The following B3GAT2 variants were observed in gnomAD, a reference collection of about 807,000 sequenced individuals.
The protein encoded by B3GAT2 is beta-1,3-glucuronyltransferase 2, also known as galactosylgalactosylxylosylprotein 3-beta-glucuronosyltransferase 2.
In B3GAT2, 26 loss-of-function variants were observed where a neutral mutation model predicts 27.8. The ratio of observed to expected loss-of-function variants is 0.93; its 90% confidence interval spans 0.68 to 1.30. The LOEUF (loss-of-function observed/expected upper bound fraction) is 1.30, where lower values mean the gene tolerates loss of function less well. Ranked by LOEUF, B3GAT2 falls within the 50% of genes most tolerant of loss-of-function variation. B3GAT2 has a pLI of 0.00. For missense variants in B3GAT2, 458 were observed against 459.0 expected (o/e 1.00, Z 0.02); for synonymous variants, 218 against 195.1 (o/e 1.12, Z -0.98).
chr6:70,894,324 A>G (rs745357802), intron 1 of B3GAT2, 52 bp from the exon 2 acceptor site: 1 of 1,517,884 alleles, frequency 6.6e-7, no homozygotes, highest in Admixed American at 2.0e-5. Flanking sequence ...AAAAAGAGGG[A>G]GGAAATGAAT....
chr6:70,927,161 G>A (rs1487294823), intron 1 of B3GAT2, among the ~76,000 whole-genome samples: 7 of 152,150 alleles, frequency 4.6e-5, no homozygotes, highest in East Asian at 1.9e-4. Flanking sequence ...TGCCTTACAA[G>A]AGCTCCTGAA....
chr6:70,871,603 T>A (rs867944190), intron 2 of B3GAT2, among the ~76,000 whole-genome samples: 1 of 152,132 alleles, frequency 6.6e-6, no homozygotes, highest in Admixed American at 6.5e-5. Context: ...ATTTTAGTAA[T>A]GTGAGGCTTC....
At chr6:70,878,762 T>C (rs1355241790) in intron 2 of B3GAT2, among the ~76,000 whole-genome samples, 8 of 152,156 alleles carry the variant, frequency 5.3e-5, no homozygotes, top group African/African-American at 1.9e-4. Flanking sequence ...TATTCTACTG[T>C]GGTTACCTTT....
At chr6:70,867,624 T>C (rs181478040) in intron 2 of B3GAT2, among the ~76,000 whole-genome samples, 1 of 152,222 alleles carries the variant, frequency 6.6e-6, no homozygotes, top group East Asian at 1.9e-4. Context: ...AAGAAATAGA[T>C]AATGTGAAAT....
chr6:70,938,366 C>T (rs1421814047), intron 1 of B3GAT2, among the ~76,000 whole-genome samples: 2 of 150,178 alleles, frequency 1.3e-5, no homozygotes, highest in African/African-American at 4.9e-5. Flanking sequence ...CCCCATCAAG[C>T]TACCAATGAC....
chr6:70,945,403 G>A (rs1004700594), intron 1 of B3GAT2, among the ~76,000 whole-genome samples: 1 of 152,104 alleles, frequency 6.6e-6, no homozygotes, highest in African/African-American at 2.4e-5. Flanking sequence ...TGAAAGCCAA[G>A]GCTCAAGAAC....
chr6:70,929,595 T>C (rs1172718994), intron 1 of B3GAT2, among the ~76,000 whole-genome samples: 2 of 152,122 alleles, frequency 1.3e-5, no homozygotes, highest in Non-Finnish European at 2.9e-5. Flanking sequence ...CCATTCACAA[T>C]TGCTTCAAAG....
At chr6:70,910,857 T>C (rs550943004) in intron 1 of B3GAT2, among the ~76,000 whole-genome samples, 3 of 152,376 alleles carry the variant, frequency 2.0e-5, no homozygotes, top group African/African-American at 7.2e-5. Flanking sequence ...AACTTTTTAA[T>C]AATACCCATT....
At chr6:70,932,578 A>G (rs1043976934) in intron 1 of B3GAT2, among the ~76,000 whole-genome samples, 31 of 152,172 alleles carry the variant, frequency 2.0e-4, no homozygotes, top group African/African-American at 7.5e-4. Context: ...TATATGAGGT[A>G]CCTAGTCCGA....
At chr6:70,869,512 T>A (rs919670882) in intron 2 of B3GAT2, among the ~76,000 whole-genome samples, 1 of 152,218 alleles carries the variant, frequency 6.6e-6, no homozygotes, top group African/African-American at 2.4e-5. Flanking sequence ...TTTAGCAATA[T>A]TAAGTCTTCT....
chr6:70,928,779 G>C (rs953714461), intron 1 of B3GAT2, among the ~76,000 whole-genome samples: 1 of 151,378 alleles, frequency 6.6e-6, no homozygotes, highest in African/African-American at 2.4e-5. Context: ...TGGCAGGCAG[G>C]AGAAAGAAAT....
At chr6:70,883,802 T>C (rs1048921267) in intron 2 of B3GAT2, among the ~76,000 whole-genome samples, 12 of 152,154 alleles carry the variant, frequency 7.9e-5, no homozygotes, top group African/African-American at 2.7e-4. Flanking sequence ...TTTTTGTTTA[T>C]ATTGTTGCTG....
At chr6:70,940,407 C>A (rs1028803347) in intron 1 of B3GAT2, among the ~76,000 whole-genome samples, 1 of 152,066 alleles carries the variant, frequency 6.6e-6, no homozygotes, top group Non-Finnish European at 1.5e-5. Context: ...TTTCCACCTC[C>A]TCCAACAGGT....
At chr6:70,891,764 G>GAA (rs1772292908) in intron 2 of B3GAT2, among the ~76,000 whole-genome samples, 1 of 151,966 alleles carries the variant, frequency 6.6e-6, no homozygotes, top group Non-Finnish European at 1.5e-5. Flanking sequence ...GTGTGTGTGT[G>GAA]TGTGTGTGTG....
At chr6:70,923,626 T>C (rs1772906767) in intron 1 of B3GAT2, among the ~76,000 whole-genome samples, 1 of 152,174 alleles carries the variant, frequency 6.6e-6, no homozygotes, top group African/African-American at 2.4e-5. Context: ...ATTGCACCAC[T>C]GTACTCCAAT....
Position 70,857,803 on chromosome 6 carries a change from A to C in B3GAT2, c.*3860T>G, listed in dbSNP as rs1401872889. 9 of 1,150,408 alleles carry C rather than the reference A, an allele frequency of 7.8e-6. 1 individual carries two copies. The Middle Eastern group carries it at 8.8e-4, about 112-fold the overall frequency. The allele number at this position is 1,150,408 out of a possible 1,614,324, so 71.3% of individuals were successfully genotyped here. ...TTGGTCTGAGTAGTAGGAGCAGCCA[A>C]ACTGGAATTAAAATGTTTGCTGTGA... On this transcript the variant is annotated 3_prime_UTR_variant, in exon 4 of 4. Transcript: ENST00000230053.
chr6:70,942,791 A>G (rs188769110), intron 1 of B3GAT2, among the ~76,000 whole-genome samples: 6 of 152,336 alleles, frequency 3.9e-5, no homozygotes, highest in Admixed American at 3.9e-4. Flanking sequence ...TCTTCTGAAT[A>G]GGATGAAGTT....
At chr6:70,909,703 C>T (rs1232103470) in intron 1 of B3GAT2, among the ~76,000 whole-genome samples, 1 of 152,172 alleles carries the variant, frequency 6.6e-6, no homozygotes, top group Admixed American at 6.5e-5. Flanking sequence ...TGATCCACTG[C>T]CCAACCTTCT....
chr6:70,897,567 C>T (rs957373744), intron 1 of B3GAT2, among the ~76,000 whole-genome samples: 34 of 150,708 alleles, frequency 2.3e-4, no homozygotes, highest in Non-Finnish European at 1.6e-4. Context: ...GGTGAAACCC[C>T]GTCTCTACTA....
Sources: allele counts gnomAD v4.1 joint callset (sites outside exome capture counted in the v4.1 genomes callset), GRCh38; gene constraint gnomAD v4.1.1; transcripts MANE v1.5; gene names NCBI Gene and HGNC (gene_info 2026-07-23, HGNC 2026-07-21).